Variants in EXT2 observed in about 807,000 individuals in gnomAD.
The protein encoded by EXT2 is exostosin-2.
EXT2 carries 53 observed loss-of-function variants against 81.6 expected under a neutral mutation model. The observed-to-expected ratio is 0.65, with a 90% CI of 0.52 to 0.82. The LOEUF is 0.82. Ranked by LOEUF, EXT2 falls within the 40% of genes least tolerant of loss-of-function variation. The probability of loss-of-function intolerance (pLI) is 0.00; values close to 1 mark genes in which losing one functional copy is unlikely to be tolerated. For synonymous variants in EXT2, 320 were observed against 340.0 expected (o/e 0.94, Z 0.65); for missense variants, 774 against 910.2 (o/e 0.85, Z 1.93).
intron 8 of EXT2, among the ~76,000 whole-genome samples, chr11:44,191,041 C>T (rs1172866574): frequency 6.6e-6 from 1 of 152,246 alleles, no homozygotes; most frequent in African/African-American, 2.4e-5. Context: ...TCCTTCAAGG[C>T]ATCCTGAAAC....
chr11:44,171,869 A>T, intron 8 of EXT2, 127 bp downstream of exon 8: 1 of 1,416,372 alleles, frequency 7.1e-7, no homozygotes, highest in Non-Finnish European at 9.8e-7. Flanking sequence ...TGTGCTTTTT[A>T]TACTTGGGGC....
At chr11:44,223,147 C>T (rs545375273) in intron 10 of EXT2, among the ~76,000 whole-genome samples, 76 of 152,314 alleles carry the variant, frequency 5.0e-4, no homozygotes, top group African/African-American at 1.7e-3. Flanking sequence ...AATGAGAATA[C>T]AGAAAAACTG....
chr11:44,128,980 A>T (rs77543739), intron 6 of EXT2, among the ~76,000 whole-genome samples: 1,731 of 152,338 alleles, frequency 0.011, 41 homozygotes, highest in African/African-American at 0.039. Flanking sequence ...TGAGGTTTAG[A>T]GTTTAATCAT....
intron 13 of EXT2, among the ~76,000 whole-genome samples, chr11:44,237,765 G>T (rs561129817): frequency 6.6e-6 from 1 of 152,092 alleles, no homozygotes; most frequent in South Asian, 2.1e-4. Flanking sequence ...ATGTAAAGAG[G>T]TTTAAAATGC....
At chr11:44,235,148 C>A (rs1297675409) in intron 12 of EXT2, among the ~76,000 whole-genome samples, 3 of 150,806 alleles carry the variant, frequency 2.0e-5, no homozygotes, top group Admixed American at 2.0e-4. Flanking sequence ...ACTCAGTGAA[C>A]AGCTGACCAC....
At chr11:44,193,035 A>G (rs1456482476) in intron 8 of EXT2, among the ~76,000 whole-genome samples, 2 of 152,242 alleles carry the variant, frequency 1.3e-5, no homozygotes, top group Non-Finnish European at 2.9e-5. Context: ...ATTGTTCTAA[A>G]TAGTGGGTGT....
At chr11:44,238,997 T>A (rs889794782) in intron 13 of EXT2, among the ~76,000 whole-genome samples, 2 of 152,146 alleles carry the variant, frequency 1.3e-5, no homozygotes, top group African/African-American at 4.8e-5. Flanking sequence ...TGAGATTAAT[T>A]TGGAAGTAAT....
At chr11:44,237,902 T>TAAAAAAAAA (rs374084527) in intron 13 of EXT2, among the ~76,000 whole-genome samples, 3 of 56,386 alleles carry the variant, frequency 5.3e-5, no homozygotes, top group African/African-American at 2.2e-4. Context: ...CGTCTCTACT[T>TAAAAAAAAA]AAAAAAAAAA....
chr11:44,198,060 A>G (rs1955479677), intron 9 of EXT2, 42 bp downstream of exon 9: 2 of 1,597,236 alleles, frequency 1.3e-6, no homozygotes, highest in Non-Finnish European at 8.6e-7. Context: ...TCAATTTTGG[A>G]TGGCCAAATT....
intron 7 of EXT2, among the ~76,000 whole-genome samples, chr11:44,168,042 A>T (rs577187776): frequency 6.7e-6 from 1 of 150,316 alleles, no homozygotes; most frequent in Non-Finnish European, 1.5e-5. Context: ...TCGTAGTTCA[A>T]TTCCCACCTA....
intron 3 of EXT2, among the ~76,000 whole-genome samples, chr11:44,110,438 CAG>C (rs1195847127): frequency 6.6e-6 from 1 of 152,160 alleles, no homozygotes; most frequent in East Asian, 1.9e-4. Flanking sequence ...TGGCTGAACA[CAG>C]GGTAATTCCG....
chr11:44,108,878 T>C (rs1049804221), intron 2 of EXT2, among the ~76,000 whole-genome samples: 3 of 152,242 alleles, frequency 2.0e-5, no homozygotes, highest in African/African-American at 2.4e-5. Flanking sequence ...TGTTCTACCA[T>C]ATATTTAACC....
intron 10 of EXT2, among the ~76,000 whole-genome samples, chr11:44,219,466 C>T (rs186208397): frequency 6.6e-6 from 1 of 152,188 alleles, no homozygotes; most frequent in Non-Finnish European, 1.5e-5. Context: ...TGCACTCCAG[C>T]CTGGGCAACA....
At chr11:44,186,782 C>G (rs988194902) in intron 8 of EXT2, among the ~76,000 whole-genome samples, 10 of 152,258 alleles carry the variant, frequency 6.6e-5, no homozygotes, top group African/African-American at 2.2e-4. Context: ...CCAAATCTCT[C>G]TTTGCAACAA....
intron 4 of EXT2, among the ~76,000 whole-genome samples, chr11:44,123,072 G>A (rs978211113): frequency 6.6e-6 from 1 of 152,148 alleles, no homozygotes; most frequent in African/African-American, 2.4e-5. Context: ...TGTGGTATAG[G>A]TTGCTCTTTT....
intron 4 of EXT2, among the ~76,000 whole-genome samples, chr11:44,120,602 T>G (rs1174257632): frequency 6.6e-6 from 1 of 152,262 alleles, no homozygotes; most frequent in Non-Finnish European, 1.5e-5. Flanking sequence ...GGCCATCTCA[T>G]GGCAGTGTTT....
At chr11:44,202,757 T>C (rs981390770) in intron 9 of EXT2, among the ~76,000 whole-genome samples, 2 of 152,234 alleles carry the variant, frequency 1.3e-5, no homozygotes, top group Non-Finnish European at 2.9e-5. Flanking sequence ...CAGTCAATCA[T>C]GTCAAGATGG....
At chr11:44,110,239 C>T (rs1003326684) in intron 3 of EXT2, among the ~76,000 whole-genome samples, 2 of 152,162 alleles carry the variant, frequency 1.3e-5, no homozygotes, top group African/African-American at 4.8e-5. Context: ...CTTAGTATTC[C>T]TTTTCCCCAG....
chr11:44,157,093 T>C (rs1470753335), intron 7 of EXT2, among the ~76,000 whole-genome samples: 1 of 152,342 alleles, frequency 6.6e-6, no homozygotes, highest in East Asian at 1.9e-4. Context: ...GGAGTCTCTG[T>C]CTCTGTGATG....
Sources: allele counts gnomAD v4.1 joint callset (sites outside exome capture counted in the v4.1 genomes callset), GRCh38; gene constraint gnomAD v4.1.1; transcripts MANE v1.5; gene names NCBI Gene and HGNC (gene_info 2026-07-23, HGNC 2026-07-21).